KCNK2: variants seen among roughly 807,000 people sequenced by gnomAD.
The protein encoded by KCNK2 is potassium channel subfamily K member 2.
Under a neutral mutation model 40.5 loss-of-function variants are expected in KCNK2, and 21 were observed. The observed-to-expected ratio is 0.52, with a 90% CI of 0.37 to 0.75. KCNK2 has a LOEUF of 0.75. KCNK2 is among the 30% of genes least tolerant of loss of function. The pLI is 0.00. For missense variants in KCNK2, 399 were observed against 531.6 expected (o/e 0.75, Z 2.45); for synonymous variants, 191 against 202.2 (o/e 0.94, Z 0.47).
intron 6 of KCNK2, among the ~76,000 whole-genome samples, chr1:215,196,749 TCTTCATGTGTA>T (rs1055138226): frequency 6.6e-6 from 1 of 152,016 alleles, no homozygotes; most frequent in East Asian, 1.9e-4. Flanking sequence ...GGATGGTTAT[TCTTCATGTGTA>T]CTTCATGTGT....
chr1:215,227,350 A>G (rs1666424453), intron 6 of KCNK2, among the ~76,000 whole-genome samples: 1 of 152,200 alleles, frequency 6.6e-6, no homozygotes, highest in Non-Finnish European at 1.5e-5. Context: ...TGAGTAGGAA[A>G]TATCCTAGAG....
At chr1:215,135,732 T>G (rs1661876596) in intron 3 of KCNK2, among the ~76,000 whole-genome samples, 1 of 139,796 alleles carries the variant, frequency 7.2e-6, no homozygotes, top group South Asian at 2.2e-4. Context: ...TTTTATTTTA[T>G]TTATTTATTT....
At chr1:215,181,624 C>A (rs1664219005) in intron 5 of KCNK2, among the ~76,000 whole-genome samples, 1 of 152,126 alleles carries the variant, frequency 6.6e-6, no homozygotes, top group South Asian at 2.1e-4. Flanking sequence ...GAATACTGGG[C>A]AGGGTATTTT....
At chr1:215,170,916 A>G (rs563968467) in intron 4 of KCNK2, among the ~76,000 whole-genome samples, 1 of 152,068 alleles carries the variant, frequency 6.6e-6, no homozygotes, top group South Asian at 2.1e-4. Flanking sequence ...TGGTGATGAC[A>G]TTCCAGTAAT....
chr1:215,151,686 T>C lies in KCNK2; in HGVS notation c.476-17513T>C, dbSNP rs186993848. Among the ~76,000 whole-genome samples the C allele has an allele frequency of 8.3e-4, 127 of 152,142 alleles. 1 individual carries two copies. Among genetic ancestry groups the C allele is most frequent in the African/African-American group, 2.9e-3 (121 of 41,568 alleles). The stretch of plus-strand genomic sequence containing the variant: ...TTTTTATGTCATTCATTTTGGAACT[T>C]TCGTTTGTAATTTTATCCATACAGT... On this transcript the variant is annotated intron_variant, in intron 3 of 6. Transcript: ENST00000444842.
intron 2 of KCNK2, among the ~76,000 whole-genome samples, chr1:215,103,201 G>A (rs1402144244): frequency 6.6e-6 from 1 of 151,814 alleles, no homozygotes; most frequent in African/African-American, 2.4e-5. Context: ...GCTGGTTAAG[G>A]ATTCTGAAGC....
chr1:215,012,524 G>A (rs1656439405), intron 1 of KCNK2, among the ~76,000 whole-genome samples: 1 of 151,196 alleles, frequency 6.6e-6, no homozygotes, highest in African/African-American at 2.4e-5. Flanking sequence ...CCAGATTGGA[G>A]TGAAGTGAAC....
intron 1 of KCNK2, among the ~76,000 whole-genome samples, chr1:215,017,338 A>C (rs2601616): frequency 0.56 from 85,094 of 151,942 alleles, 25,514 homozygotes; most frequent in South Asian, 0.78. Flanking sequence ...TTAAATCAAC[A>C]TAAGTGTCCA....
chr1:215,193,616 C>T (rs1664752795), intron 5 of KCNK2, among the ~76,000 whole-genome samples: 1 of 152,102 alleles, frequency 6.6e-6, no homozygotes, highest in African/African-American at 2.4e-5. Flanking sequence ...ACAATAATTT[C>T]TTAGCTAATT....
intron 3 of KCNK2, among the ~76,000 whole-genome samples, chr1:215,134,425 C>T (rs2102593138): frequency 6.6e-6 from 1 of 152,284 alleles, no homozygotes; most frequent in South Asian, 2.1e-4. Flanking sequence ...ACAAGGGATA[C>T]AGATGAAAGA....
rs71945726 is a variant in KCNK2 at position 215,084,182 on chromosome 1, G to GCACACACACACACA, written c.46+775_46+788dup. ...CCTTCTGGAAATGTATTAGGTTAAT[G>GCACACACACACACA]CACACACACACACACACACACACAC... On this transcript the variant is annotated intron_variant, in intron 1 of 6. Coordinates refer to ENST00000444842, the MANE Select transcript of KCNK2 (RefSeq NM_001017425.3). 1.5e-3 allele frequency among the ~76,000 whole-genome samples: 211 copies of GCACACACACACACA among 141,968 alleles called. 2 individuals carry two copies. Among genetic ancestry groups the GCACACACACACACA allele is most frequent in the South Asian group, 5.4e-3 (23 of 4,260 alleles). 93.1% of individuals were successfully genotyped at this position (141,968 alleles called of 152,430 possible).
chr1:215,099,721 T>C (rs1258091046), intron 2 of KCNK2, among the ~76,000 whole-genome samples: 6 of 151,978 alleles, frequency 3.9e-5, no homozygotes, highest in Non-Finnish European at 1.5e-5. Flanking sequence ...AGGAAAAAAG[T>C]CTTTAATTCT....
intron 1 of KCNK2, among the ~76,000 whole-genome samples, chr1:215,066,297 C>T (rs1658538632): frequency 6.6e-6 from 1 of 151,992 alleles, no homozygotes; most frequent in Admixed American, 6.6e-5. Flanking sequence ...CAATAATTTC[C>T]TGTTTGAATA....
At chr1:215,206,599 C>T (rs1245586630) in intron 6 of KCNK2, among the ~76,000 whole-genome samples, 2 of 152,262 alleles carry the variant, frequency 1.3e-5, no homozygotes, top group East Asian at 1.9e-4. Flanking sequence ...ATAATTATTG[C>T]GTCTCAACTC....
Position 215,236,098 on chromosome 1 carries a change from A to ATCT in KCNK2, c.*953_*954insTCT, listed in dbSNP as rs71556634. ...TATCTATCTATCTATCTATCTATCT[A>ATCT]AATGACCTGACAGAAGAAAACTGTT... On this transcript the variant is annotated 3_prime_UTR_variant, in exon 7 of 7. Transcript: ENST00000444842. The ATCT allele has an allele frequency of 1.3e-5, 2 of 151,066 alleles. No homozygotes were observed. The highest frequency in any genetic ancestry group is 4.9e-5 in the African/African-American group (2 of 40,578). The allele number at this position is 151,066 out of a possible 1,614,324, so 9.4% of individuals were successfully genotyped here. A position where few individuals can be genotyped will look rare whatever the true frequency, so the allele number is the denominator to read the frequency against.
intron 6 of KCNK2, among the ~76,000 whole-genome samples, chr1:215,205,016 G>A (rs531195686): frequency 2.6e-5 from 4 of 152,166 alleles, no homozygotes; most frequent in Non-Finnish European, 4.4e-5. Flanking sequence ...GTGTGCCCAT[G>A]TGTGCATGTG....
At chr1:215,116,920 A>G (rs1660970009) in intron 2 of KCNK2, among the ~76,000 whole-genome samples, 2 of 151,932 alleles carry the variant, frequency 1.3e-5, no homozygotes, top group African/African-American at 4.8e-5. Flanking sequence ...TTAAACACCT[A>G]TGTTTTGTAT....
intron 6 of KCNK2, among the ~76,000 whole-genome samples, chr1:215,202,230 G>A (rs1018056572): frequency 6.6e-6 from 1 of 152,132 alleles, no homozygotes; most frequent in African/African-American, 2.4e-5. Context: ...CAAAAGACCC[G>A]TCTTCTCTTT....
chr1:215,162,786 A>G (rs947065818), intron 3 of KCNK2, among the ~76,000 whole-genome samples: 6 of 150,694 alleles, frequency 4.0e-5, no homozygotes, highest in African/African-American at 1.2e-4. Context: ...CTATATATAC[A>G]TCTGTTTTGG....
Sources: allele counts gnomAD v4.1 joint callset (sites outside exome capture counted in the v4.1 genomes callset), GRCh38; gene constraint gnomAD v4.1.1; transcripts MANE v1.5; gene names NCBI Gene and HGNC (gene_info 2026-07-23, HGNC 2026-07-21).